Variants in DMD observed in about 807,000 individuals in gnomAD.
DMD encodes dystrophin.
Under a neutral mutation model 330.1 loss-of-function variants are expected in DMD, and 63 were observed. The observed-to-expected ratio is 0.19, with a 90% confidence interval of 0.16 to 0.24. DMD has a LOEUF of 0.24. Among genes scored for constraint, DMD ranks in the 10% least tolerant of loss-of-function variants. The probability of loss-of-function intolerance (pLI) is 1.00; values close to 1 mark genes in which losing one functional copy is unlikely to be tolerated. For missense variants in DMD, 3,344 were observed against 2,684.1 expected, an observed-to-expected ratio of 1.25 and a Z score of -5.43; for synonymous variants, 1,223 against 959.8, an observed-to-expected ratio of 1.27 and a Z score of -5.07.
At chrX:32,045,352 T>G (rs1418383419) in intron 44 of DMD, among the ~76,000 whole-genome samples, 2 of 105,989 alleles carry the variant, frequency 1.9e-5, no homozygotes, top group African/African-American at 7.0e-5. Context: ...TTTTGTTTTT[T>G]TTTTTTTTAA....
At chrX:33,311,789 T>C (rs1021714753) in intron 1 of DMD, among the ~76,000 whole-genome samples, 1 of 110,352 alleles carries the variant, frequency 9.1e-6, no homozygotes, top group South Asian at 3.9e-4. Flanking sequence ...AAAAAAGCCA[T>C]TTGCCAAGTG....
intron 41 of DMD, among the ~76,000 whole-genome samples, chrX:32,317,547 T>C (rs921977445): frequency 9.0e-6 from 1 of 111,411 alleles, no homozygotes; most frequent in Non-Finnish European, 1.9e-5. Flanking sequence ...GCAATCCTGT[T>C]TTGAAACAAA....
At chrX:32,795,934 T>C (rs1431002781) in intron 7 of DMD, among the ~76,000 whole-genome samples, 3 of 111,395 alleles carry the variant, frequency 2.7e-5, no homozygotes, top group Non-Finnish European at 5.7e-5. Flanking sequence ...ATGGCTATTA[T>C]TAAAAAGACA....
intron 13 of DMD, among the ~76,000 whole-genome samples, chrX:32,589,344 G>A (rs1299105710): frequency 9.0e-6 from 1 of 110,757 alleles, no homozygotes; most frequent in Non-Finnish European, 1.9e-5. Flanking sequence ...GTCTGTGATT[G>A]CATTAACTAA....
chrX:32,902,158 AACACACACACACAC>A (rs774414536), intron 2 of DMD, among the ~76,000 whole-genome samples: 1,756 of 86,616 alleles, frequency 0.02, 69 homozygotes, highest in African/African-American at 0.067. Context: ...CACACACACA[AACACACACACACAC>A]ACACACACAC....
chrX:32,435,296 ATT>A (rs1491202342), intron 29 of DMD, among the ~76,000 whole-genome samples: 1 of 97,507 alleles, frequency 1.0e-5, no homozygotes, highest in African/African-American at 3.6e-5. Context: ...ATATATATAT[ATT>A]TACACCCATA....
chrX:32,878,733 G>A (rs1225116438), intron 2 of DMD, among the ~76,000 whole-genome samples: 2 of 110,554 alleles, frequency 1.8e-5, no homozygotes, highest in Non-Finnish European at 3.8e-5. Flanking sequence ...ATTGGGGCCA[G>A]GTGCAATGGC....
At chrX:31,239,492 C>G (rs1486994779) in intron 63 of DMD, among the ~76,000 whole-genome samples, 1 of 111,533 alleles carries the variant, frequency 9.0e-6, no homozygotes, top group African/African-American at 3.3e-5. Flanking sequence ...AAAACATCAA[C>G]TAGAATCCAA....
chrX:31,540,297 C>T (rs1267667929), intron 55 of DMD, among the ~76,000 whole-genome samples: 2 of 111,904 alleles, frequency 1.8e-5, no homozygotes, highest in Admixed American at 1.9e-4. Flanking sequence ...TTTTCACTTG[C>T]TTTGCAAATC....
At chrX:31,397,552 C>T (rs1001422676) in intron 60 of DMD, among the ~76,000 whole-genome samples, 2 of 112,530 alleles carry the variant, frequency 1.8e-5, no homozygotes, top group Admixed American at 1.9e-4. Context: ...TTATCTGTTG[C>T]ATCTTTCCTA....
chrX:32,045,378 C>G (rs1260224333), intron 44 of DMD, among the ~76,000 whole-genome samples: 1 of 103,093 alleles, frequency 9.7e-6, no homozygotes, highest in Non-Finnish European at 2.0e-5. Flanking sequence ...TGGCAACCTC[C>G]CCCTGGCTTC....
chrX:31,699,450 A>G (rs1381716656), intron 52 of DMD, among the ~76,000 whole-genome samples: 1 of 112,183 alleles, frequency 8.9e-6, no homozygotes, highest in Non-Finnish European at 1.9e-5. Context: ...TTATGGTCAT[A>G]TATTCAGTCA....
intron 2 of DMD, among the ~76,000 whole-genome samples, chrX:32,943,955 G>C (rs1320546058): frequency 9.0e-6 from 1 of 111,087 alleles, no homozygotes; most frequent in African/African-American, 3.3e-5. Context: ...AGGGCTTTTA[G>C]AGCGTCCCTC....
intron 60 of DMD, among the ~76,000 whole-genome samples, chrX:31,382,236 C>T (rs1451818002): frequency 1.8e-5 from 2 of 111,782 alleles, no homozygotes; most frequent in Non-Finnish European, 3.8e-5. Flanking sequence ...GAATTCAGGC[C>T]TGTCCTCAGA....
chrX:32,337,931 C>T (rs1156860164), intron 41 of DMD, among the ~76,000 whole-genome samples: 4 of 111,137 alleles, frequency 3.6e-5, no homozygotes, highest in Non-Finnish European at 5.7e-5. Context: ...TGTCTCCTTC[C>T]TTCTAGTTTC....
intron 7 of DMD, among the ~76,000 whole-genome samples, chrX:32,805,323 G>C (rs2076872548): frequency 9.0e-6 from 1 of 111,506 alleles, no homozygotes; most frequent in Non-Finnish European, 1.9e-5. Context: ...GCATACACAA[G>C]TATCAATAGC....
chrX:33,040,540 A>C (rs1299415442), intron 1 of DMD, among the ~76,000 whole-genome samples: 1 of 110,993 alleles, frequency 9.0e-6, no homozygotes, highest in Non-Finnish European at 1.9e-5. Context: ...TTAGGACCGC[A>C]GACACTATTA....
intron 44 of DMD, among the ~76,000 whole-genome samples, chrX:32,024,256 G>A (rs1485116358): frequency 2.7e-5 from 3 of 110,875 alleles, no homozygotes. Context: ...AGGCCAAGGC[G>A]GGCGGACTGC....
At chrX:32,474,196 T>TAC (rs1405187750) in intron 21 of DMD, among the ~76,000 whole-genome samples, 5 of 39,746 alleles carry the variant, frequency 1.3e-4, no homozygotes, top group African/African-American at 3.4e-4. Flanking sequence ...CCATCATATA[T>TAC]ACATACATAC....
Sources: gnomAD v4.1 joint callset for allele counts (sites outside exome capture counted in the v4.1 genomes callset) on GRCh38, gnomAD v4.1.1 for gene constraint, MANE v1.5 for transcripts, NCBI Gene and HGNC (gene_info 2026-07-23, HGNC 2026-07-21) for gene names.